The following PLCB1 variants were observed in gnomAD, a reference collection of about 807,000 sequenced individuals.
PLCB1 encodes 1-phosphatidylinositol 4,5-bisphosphate phosphodiesterase beta-1.
A neutral mutation model predicts 161.8 loss-of-function variants in PLCB1; 46 were observed. The observed-to-expected ratio is 0.28, with a 90% CI of 0.22 to 0.36. The LOEUF (loss-of-function observed/expected upper bound fraction) is 0.36, where lower values mean the gene tolerates loss of function less well. PLCB1 is among the 10% of genes least tolerant of loss of function. PLCB1 has a pLI of 1.00. For missense variants in PLCB1, 1,016 were observed against 1,472.5 expected (o/e 0.69, Z 5.07); for synonymous variants, 517 against 503.7 (o/e 1.03, Z -0.35).
chr20:8,382,283 CTTTTTT>C (rs71331303), intron 3 of PLCB1, among the ~76,000 whole-genome samples: 4 of 130,556 alleles, frequency 3.1e-5, no homozygotes, highest in African/African-American at 1.1e-4. Context: ...GTTTCTTTTT[CTTTTTT>C]TTTTTTTTTT....
At chr20:8,776,115 A>G (rs1000903009) in intron 27 of PLCB1, among the ~76,000 whole-genome samples, 9 of 152,218 alleles carry the variant, frequency 5.9e-5, no homozygotes, top group African/African-American at 1.9e-4. Flanking sequence ...AGTCCAGAAC[A>G]TAATAAAAAT....
chr20:8,800,641 GA>G (rs1266734645), intron 31 of PLCB1, among the ~76,000 whole-genome samples: 1 of 152,098 alleles, frequency 6.6e-6, no homozygotes, highest in Non-Finnish European at 1.5e-5. Context: ...AGAGAGAATA[GA>G]AAATACATTG....
intron 12 of PLCB1, 174 bp from the exon 13 acceptor site, chr20:8,716,090 T>C: frequency 3.3e-6 from 2 of 611,054 alleles, no homozygotes; most frequent in Non-Finnish European, 5.9e-6. Flanking sequence ...TCCATCTGTG[T>C]ATGTTATTCA....
At chr20:8,691,630 T>A (rs1990481248) in intron 10 of PLCB1, among the ~76,000 whole-genome samples, 1 of 152,190 alleles carries the variant, frequency 6.6e-6, no homozygotes, top group Non-Finnish European at 1.5e-5. Flanking sequence ...AGAATTTCAA[T>A]ATTCAGGATA....
At chr20:8,304,948 C>A (rs768626125) in intron 2 of PLCB1, among the ~76,000 whole-genome samples, 2 of 152,184 alleles carry the variant, frequency 1.3e-5, no homozygotes, top group Non-Finnish European at 2.9e-5. Flanking sequence ...GTCCTGGAGA[C>A]AAGAGCCATT....
rs6039143 is a variant in PLCB1, at chr20:8,337,608, C to T, written c.178-33774C>T. Among the ~76,000 whole-genome samples, 517 of 152,252 alleles carry T rather than the reference C, an allele frequency of 3.4e-3. 3 individuals carry two copies. The highest frequency in any genetic ancestry group is 0.012 in the African/African-American group (482 of 41,544). ...TTTCATGAAATAGGCCTTAAAATCG[C>T]ACTTGTAAGATACATCTGAAACTTT... On this transcript the variant is annotated intron_variant, in intron 2 of 31. Coordinates refer to ENST00000338037, the MANE Select transcript of PLCB1 (RefSeq NM_015192.4).
chr20:8,804,039 T>G (rs1984411036), intron 31 of PLCB1, among the ~76,000 whole-genome samples: 1 of 152,052 alleles, frequency 6.6e-6, no homozygotes, highest in Admixed American at 6.6e-5. Context: ...GTGATCCGCC[T>G]GCCTCAGGCT....
chr20:8,592,734 C>T (rs1203489872), intron 3 of PLCB1, among the ~76,000 whole-genome samples: 1 of 152,170 alleles, frequency 6.6e-6, no homozygotes, highest in Non-Finnish European at 1.5e-5. Context: ...TTGAAGCATT[C>T]AGATTTTGGA....
At chr20:8,591,904 C>T (rs960255701) in intron 3 of PLCB1, among the ~76,000 whole-genome samples, 1 of 152,078 alleles carries the variant, frequency 6.6e-6, no homozygotes, top group Non-Finnish European at 1.5e-5. Flanking sequence ...ATCTGAAATG[C>T]TCAGGACCAG....
chr20:8,875,419 A>G (rs1469855241), intron 31 of PLCB1, among the ~76,000 whole-genome samples: 1 of 147,652 alleles, frequency 6.8e-6, no homozygotes, highest in Non-Finnish European at 1.5e-5. Context: ...AGTATATATA[A>G]TATACATAAT....
chr20:8,334,010 G>T (rs1213819654), intron 2 of PLCB1, among the ~76,000 whole-genome samples: 3 of 152,180 alleles, frequency 2.0e-5, no homozygotes, highest in African/African-American at 7.2e-5. Context: ...GGGAGTTTGA[G>T]ACCAGCATGA....
intron 3 of PLCB1, among the ~76,000 whole-genome samples, chr20:8,485,677 T>C (rs541873825): frequency 1.3e-5 from 2 of 152,240 alleles, no homozygotes; most frequent in South Asian, 4.2e-4. Context: ...CACAGCAAAT[T>C]AGTGGCAGAG....
At chr20:8,196,343 T>C (rs2123117035) in intron 2 of PLCB1, among the ~76,000 whole-genome samples, 1 of 152,250 alleles carries the variant, frequency 6.6e-6, no homozygotes, top group Non-Finnish European at 1.5e-5. Flanking sequence ...TCTGTATCAT[T>C]ATTGAGCAAG....
At chr20:8,873,651 TA>T (rs894802412) in intron 31 of PLCB1, among the ~76,000 whole-genome samples, 7 of 152,170 alleles carry the variant, frequency 4.6e-5, no homozygotes, top group East Asian at 1.9e-4. Flanking sequence ...TTGTATTCTT[TA>T]AAAAAATGGT....
chr20:8,303,800 C>T (rs535448988), intron 2 of PLCB1, among the ~76,000 whole-genome samples: 3 of 152,252 alleles, frequency 2.0e-5, no homozygotes, highest in East Asian at 1.9e-4. Flanking sequence ...TGTGCCTCAT[C>T]GAGTCCCAAA....
At chr20:8,316,435 A>G (rs1355643999) in intron 2 of PLCB1, among the ~76,000 whole-genome samples, 1 of 152,114 alleles carries the variant, frequency 6.6e-6, no homozygotes, top group Non-Finnish European at 1.5e-5. Context: ...CTCCTTCTTT[A>G]TAGCATACAA....
chr20:8,863,714 A>G (rs1005417934), intron 31 of PLCB1, among the ~76,000 whole-genome samples: 1 of 152,252 alleles, frequency 6.6e-6, no homozygotes, highest in Admixed American at 6.5e-5. Flanking sequence ...TATTCTTCAG[A>G]TAAAGAAAAT....
intron 2 of PLCB1, among the ~76,000 whole-genome samples, chr20:8,197,508 TG>T (rs1264299457): frequency 5.3e-5 from 8 of 152,288 alleles, no homozygotes; most frequent in Non-Finnish European, 1.0e-4. Context: ...TTGATGGGGT[TG>T]TTTTTTTTCT....
intron 3 of PLCB1, among the ~76,000 whole-genome samples, chr20:8,499,124 T>C (rs1983299352): frequency 6.6e-6 from 1 of 152,204 alleles, no homozygotes; most frequent in South Asian, 2.1e-4. Flanking sequence ...AAGATGTATG[T>C]TTGTTAAATT....
Sources: gnomAD v4.1 joint callset for allele counts (sites outside exome capture counted in the v4.1 genomes callset) on GRCh38, gnomAD v4.1.1 for gene constraint, MANE v1.5 for transcripts, NCBI Gene and HGNC (gene_info 2026-07-23, HGNC 2026-07-21) for gene names.